The following FGGY variants were observed in gnomAD, a reference collection of about 807,000 sequenced individuals.
The protein encoded by FGGY is FGGY carbohydrate kinase domain containing, also known as FGGY carbohydrate kinase domain-containing protein.
Under a neutral mutation model 71.3 loss-of-function variants are expected in FGGY, and 72 were observed. That is an observed-to-expected ratio of 1.01 (90% CI 0.84 to 1.23). The LOEUF is 1.23. Ranked by LOEUF, FGGY falls within the 50% of genes most tolerant of loss-of-function variation. The pLI, the probability that FGGY is intolerant of heterozygous loss-of-function variation, is 0.00. For missense variants in FGGY, 668 were observed against 682.3 expected (o/e 0.98, Z 0.23); for synonymous variants, 251 against 250.3 (o/e 1.00, Z -0.02).
chr1:59,500,663 C>CAAAAAAAAA (rs922111998), intron 6 of FGGY, among the ~76,000 whole-genome samples: 1 of 44,762 alleles, frequency 2.2e-5, no homozygotes, highest in Non-Finnish European at 4.0e-5. Flanking sequence ...GCCTTCTTGC[C>CAAAAAAAAA]AAAAAAAAAA....
chr1:59,474,689 A>T (rs889784080), intron 6 of FGGY, among the ~76,000 whole-genome samples: 72 of 152,242 alleles, frequency 4.7e-4, no homozygotes, highest in African/African-American at 1.7e-3. Context: ...GACTTTGCCC[A>T]AGTCAGAGAC....
chr1:59,391,360 G>A (rs560379354), intron 5 of FGGY, among the ~76,000 whole-genome samples: 5 of 152,226 alleles, frequency 3.3e-5, no homozygotes, highest in African/African-American at 9.6e-5. Flanking sequence ...TGGGGGAGTC[G>A]GAGGGAGTAG....
intron 14 of FGGY, among the ~76,000 whole-genome samples, chr1:59,695,198 C>T (rs1361894610): frequency 1.3e-5 from 2 of 152,176 alleles, no homozygotes; most frequent in Non-Finnish European, 2.9e-5. Flanking sequence ...ATTCTCTACC[C>T]TCTCAGAGTT....
intron 7 of FGGY, among the ~76,000 whole-genome samples, chr1:59,533,667 C>G (rs1277623678): frequency 7.2e-5 from 11 of 152,180 alleles, no homozygotes; most frequent in Non-Finnish European, 1.2e-4. Context: ...GGCAGACTGC[C>G]TCCTTAAGTG....
chr1:59,595,747 C>G (rs961695124), intron 8 of FGGY, among the ~76,000 whole-genome samples: 5 of 152,100 alleles, frequency 3.3e-5, no homozygotes, highest in Admixed American at 1.3e-4. Context: ...GCCACTCTCA[C>G]AGGACTGACT....
At chr1:59,314,922 A>G (rs985722816) in intron 1 of FGGY, among the ~76,000 whole-genome samples, 8 of 152,088 alleles carry the variant, frequency 5.3e-5, no homozygotes, top group African/African-American at 1.7e-4. Flanking sequence ...CTCAGAGACT[A>G]TGTGTGTGAT....
chr1:59,590,817 C>G (rs182236222), intron 8 of FGGY, among the ~76,000 whole-genome samples: 1,774 of 152,092 alleles, frequency 0.012, 68 homozygotes, highest in East Asian at 0.082. Context: ...CTATGACAAA[C>G]CCACAGCCAA....
chr1:59,711,021 G>A (rs1423504738), intron 14 of FGGY, among the ~76,000 whole-genome samples: 1 of 152,000 alleles, frequency 6.6e-6, no homozygotes, highest in Admixed American at 6.6e-5. Context: ...ATTGACAATA[G>A]CAAAGACTTG....
At chr1:59,613,518 A>G (rs1002758896) in intron 9 of FGGY, among the ~76,000 whole-genome samples, 3 of 152,216 alleles carry the variant, frequency 2.0e-5, no homozygotes, top group African/African-American at 7.2e-5. Flanking sequence ...GGAAATTTAT[A>G]GCACTAAATG....
At chr1:59,589,413 A>G (rs573086383) in intron 8 of FGGY, among the ~76,000 whole-genome samples, 1 of 152,316 alleles carries the variant, frequency 6.6e-6, no homozygotes, top group East Asian at 1.9e-4. Context: ...CCAGGAATTG[A>G]ACTCAACTCT....
Position 59,456,943 on chromosome 1 carries a change from T to G in FGGY, c.555-18T>G, listed in dbSNP as rs2091763140. The G allele has an allele frequency of 6.3e-7, 1 of 1,578,396 alleles. No individual in the cohort carries two copies. Among genetic ancestry groups the G allele is most frequent in the African/African-American group, 1.3e-5 (1 of 74,294 alleles). On this transcript the variant is annotated intron_variant, in intron 5 of 15. Transcript: ENST00000303721. ...ACTCATATGGTCAGTTCTATCTATA[T>G]CTCTTCTATTTTCTTAGGTCTCTCT...
chr1:59,667,367 A>G lies in FGGY; in HGVS notation c.1381A>G (p.Asn461Asp), dbSNP rs868748579. The change falls in exon 13 of 16, where the codon AAT becomes GAT. Residue 461 changes from asparagine (N) to aspartate (D), a missense_variant. Physicochemically the swap from Asn to Asp is conservative, Grantham distance 23. Transcript: ENST00000303721. ...TTTCCTATGTGGAGGCCTCAGCAAG[A>G]ATCCCCTTTTTGTGCAAATGCATGC... ...TLFLCGGLSK[N>D]PLFVQMHADI... The G allele has an allele frequency of 1.9e-6, 3 of 1,614,054 alleles. No homozygotes were observed. The African/African-American group carries it at 4.0e-5, about 22-fold the overall frequency.
chr1:59,597,348 G>C (rs2096533877), intron 8 of FGGY, among the ~76,000 whole-genome samples: 1 of 152,150 alleles, frequency 6.6e-6, no homozygotes, highest in Non-Finnish European at 1.5e-5. Flanking sequence ...GCGGTAAACA[G>C]GGTAAATCCT....
chr1:59,555,127 C>T (rs1012240024), intron 8 of FGGY, among the ~76,000 whole-genome samples: 2 of 152,112 alleles, frequency 1.3e-5, no homozygotes, highest in East Asian at 3.8e-4. Context: ...CTTATCAATC[C>T]CTGCTCTTGT....
At chr1:59,391,000 C>G (rs2060621273) in intron 5 of FGGY, among the ~76,000 whole-genome samples, 1 of 152,140 alleles carries the variant, frequency 6.6e-6, no homozygotes, top group African/African-American at 2.4e-5. Context: ...CTATTCAAAC[C>G]CGTATAAGAG....
At chr1:59,365,803 AG>A (rs2056484087) in intron 4 of FGGY, among the ~76,000 whole-genome samples, 1 of 152,372 alleles carries the variant, frequency 6.6e-6, no homozygotes, top group East Asian at 1.9e-4. Flanking sequence ...ACTCTGTAGC[AG>A]AAGAGTGAAT....
At chr1:59,725,804 G>A (rs549776838) in intron 14 of FGGY, among the ~76,000 whole-genome samples, 4 of 151,908 alleles carry the variant, frequency 2.6e-5, no homozygotes, top group Non-Finnish European at 4.4e-5. Flanking sequence ...TCATTGGGTG[G>A]GTTGGTTGAT....
intron 14 of FGGY, among the ~76,000 whole-genome samples, chr1:59,696,621 C>A (rs1204798392): frequency 2.6e-5 from 4 of 152,188 alleles, no homozygotes; most frequent in Non-Finnish European, 5.9e-5. Flanking sequence ...TTCCAAGAGG[C>A]CTTTCAATTG....
At chr1:59,559,728 G>A (rs970754338) in intron 8 of FGGY, among the ~76,000 whole-genome samples, 1 of 152,150 alleles carries the variant, frequency 6.6e-6, no homozygotes, top group Non-Finnish European at 1.5e-5. Context: ...CAACAAAAAA[G>A]ATGAGAATAT....
Sources: gnomAD v4.1 joint callset for allele counts (sites outside exome capture counted in the v4.1 genomes callset) on GRCh38, gnomAD v4.1.1 for gene constraint, MANE v1.5 for transcripts, NCBI Gene and HGNC (gene_info 2026-07-23, HGNC 2026-07-21) for gene names.